Variants in FAM135B observed in about 807,000 individuals in gnomAD.
FAM135B encodes family with sequence similarity 135 member B, also known as protein FAM135B.
In FAM135B, 43 loss-of-function variants were observed where a neutral mutation model predicts 127.7. The ratio of observed to expected loss-of-function variants is 0.34; its 90% CI spans 0.26 to 0.43. The LOEUF (loss-of-function observed/expected upper bound fraction) is 0.43, where lower values mean the gene tolerates loss of function less well. Among genes scored for constraint, FAM135B ranks in the 20% least tolerant of loss-of-function variants. The pLI, the probability that FAM135B is intolerant of heterozygous loss-of-function variation, is 1.00. For synonymous variants in FAM135B, 670 were observed against 665.1 expected, an observed-to-expected ratio of 1.01 and a Z score of -0.11; for missense variants, 1,558 against 1,725.6, an observed-to-expected ratio of 0.90 and a Z score of 1.72.
chr8:138,359,961 C>T (rs1311803410), intron 2 of FAM135B, among the ~76,000 whole-genome samples: 1 of 152,176 alleles, frequency 6.6e-6, no homozygotes, highest in Non-Finnish European at 1.5e-5. Flanking sequence ...CACACTTTTA[C>T]ATCAGCTCTG....
At chr8:138,412,117 T>C (rs2131410071) in intron 1 of FAM135B, among the ~76,000 whole-genome samples, 1 of 152,290 alleles carries the variant, frequency 6.6e-6, no homozygotes, top group Middle Eastern at 3.4e-3. Flanking sequence ...TTAGATACTA[T>C]GCCCGCTACC....
chr8:138,256,062 A>G (rs1261635402), intron 5 of FAM135B, among the ~76,000 whole-genome samples: 1 of 152,146 alleles, frequency 6.6e-6, no homozygotes, highest in Admixed American at 6.5e-5. Context: ...GAGTTCTGGT[A>G]TTATACTTCA....
At chr8:138,332,956 G>C (rs988223399) in intron 2 of FAM135B, among the ~76,000 whole-genome samples, 4 of 151,078 alleles carry the variant, frequency 2.6e-5, no homozygotes, top group African/African-American at 9.8e-5. Context: ...TCCTAACAGA[G>C]GACTACACAG....
intron 4 of FAM135B, among the ~76,000 whole-genome samples, chr8:138,259,726 T>C (rs1414607005): frequency 6.6e-6 from 1 of 152,132 alleles, no homozygotes; most frequent in Admixed American, 6.5e-5. Context: ...CTTCTCTAAG[T>C]CACTGTATCC....
Position 138,492,541 on chromosome 8 carries a change from C to A in FAM135B, c.-20+4130G>T, listed in dbSNP as rs1587564944. Among the ~76,000 whole-genome samples the A allele has an allele frequency of 7.2e-5, 11 of 152,198 alleles. No individual in the cohort carries two copies. The South Asian group carries it at 2.3e-3, about 32-fold the overall frequency. On this transcript the variant is annotated intron_variant, in intron 1 of 19. Coordinates refer to ENST00000395297, the MANE Select transcript of FAM135B (RefSeq NM_015912.4). ...AGACCTTTCTGTGACTTCCTATGGC[C>A]TTCTGTTAGAGGAAAAGACTGGCTT...
At chr8:138,362,145 T>C (rs1427421645) in intron 2 of FAM135B, among the ~76,000 whole-genome samples, 3 of 152,148 alleles carry the variant, frequency 2.0e-5, no homozygotes, top group Non-Finnish European at 4.4e-5. Context: ...CACCCTCTTT[T>C]AGCTATTTTT....
At chr8:138,352,089 AG>A (rs1484933967) in intron 2 of FAM135B, among the ~76,000 whole-genome samples, 1 of 152,174 alleles carries the variant, frequency 6.6e-6, no homozygotes, top group Non-Finnish European at 1.5e-5. Context: ...TAGGTCTAGA[AG>A]GGGCCACATG....
intron 3 of FAM135B, among the ~76,000 whole-genome samples, chr8:138,286,388 T>C (rs1824688991): frequency 6.6e-6 from 1 of 152,212 alleles, no homozygotes. Flanking sequence ...CATATGCAGA[T>C]GTTTGGAGAG....
At chr8:138,197,117 G>GTGTA (rs1471158597) in intron 8 of FAM135B, among the ~76,000 whole-genome samples, 5 of 41,650 alleles carry the variant, frequency 1.2e-4, no homozygotes, top group Non-Finnish European at 2.0e-4. Flanking sequence ...GTGTGTGTGT[G>GTGTA]TATATATATA....
chr8:138,254,863 C>T (rs1821958917), intron 5 of FAM135B, among the ~76,000 whole-genome samples: 1 of 152,080 alleles, frequency 6.6e-6, no homozygotes, highest in Admixed American at 6.6e-5. Context: ...TCTCAATTCC[C>T]ATACATGATC....
At position 138,132,796 on chromosome 8, in the gene FAM135B, G is replaced by A. The variant is rs1191835626; in HGVS notation, c.4018C>T (p.Pro1340Ser). Residue 1340 changes from proline (P) to serine (S), a missense_variant and splice_region_variant, in exon 20 of 20, where the codon CCA becomes TCA. Transcript: ENST00000395297. The surrounding 1 kb of genome is among the most constrained non-coding windows in gnomAD (Gnocchi z 4.5). ...KTALKDRHTG[P>S]VYAEMINNLL... The stretch of plus-strand genomic sequence containing the variant: ...TTGTTGATCATTTCTGCATAAACTG[G>A]CCCTGTAAAGTGGGGAAGAAGGACA... The A allele has an allele frequency of 1.6e-5, 26 of 1,613,752 alleles. No homozygotes were observed. Among genetic ancestry groups the A allele is most frequent in the Non-Finnish European group, 2.1e-5 (25 of 1,179,826 alleles).
At chr8:138,332,983 G>GCACA (rs59548249) in intron 2 of FAM135B, among the ~76,000 whole-genome samples, 232 of 145,394 alleles carry the variant, frequency 1.6e-3, no homozygotes, top group East Asian at 3.2e-3. Flanking sequence ...TTTGGAAAGC[G>GCACA]CACACACACA....
At chr8:138,157,836 A>C (rs2130829722) in intron 12 of FAM135B, among the ~76,000 whole-genome samples, 1 of 152,334 alleles carries the variant, frequency 6.6e-6, no homozygotes, top group African/African-American at 2.4e-5. Context: ...ATGCTCATGG[A>C]TAGGAAGAAT....
rs375257521 is a variant in FAM135B at position 138,477,715 on chromosome 8, G to A, written c.-20+18956C>T. Among the ~76,000 whole-genome samples, 87 of 152,358 alleles carry A rather than the reference G, an allele frequency of 5.7e-4. 1 individual carries two copies. The highest frequency in any genetic ancestry group is 2.1e-3 in the African/African-American group (86 of 41,590). On this transcript the variant is annotated intron_variant, in intron 1 of 19. Transcript: ENST00000395297. ...ACTTCCTCAGATGCCCTTTTGGTCA[G>A]TGGTGGCCATGAGGGCCAGTTCAGT... is the stretch of plus-strand genomic sequence containing the variant.
intron 2 of FAM135B, among the ~76,000 whole-genome samples, chr8:138,312,980 C>T (rs544855472): frequency 6.6e-6 from 1 of 152,256 alleles, no homozygotes; most frequent in South Asian, 2.1e-4. Flanking sequence ...AAGCAATTGG[C>T]TATCCATAGA....
At chr8:138,156,305 G>A (rs151180278) in intron 12 of FAM135B, among the ~76,000 whole-genome samples, 2 of 152,252 alleles carry the variant, frequency 1.3e-5, no homozygotes, top group African/African-American at 4.8e-5. Flanking sequence ...AGTGTGTAGA[G>A]GGAAATTCAT....
At chr8:138,423,577 C>T (rs1563989942) in intron 1 of FAM135B, among the ~76,000 whole-genome samples, 1 of 152,124 alleles carries the variant, frequency 6.6e-6, no homozygotes, top group Non-Finnish European at 1.5e-5. Flanking sequence ...TCACAGAGAT[C>T]ATCAGCTTCA....
chr8:138,436,154 C>T (rs1304777645), intron 1 of FAM135B, among the ~76,000 whole-genome samples: 1 of 152,150 alleles, frequency 6.6e-6, no homozygotes, highest in Non-Finnish European at 1.5e-5. Context: ...GCTTATCTTA[C>T]ATGTGATAAC....
chr8:138,384,362 AT>A (rs1311235476), intron 1 of FAM135B, among the ~76,000 whole-genome samples: 1 of 150,984 alleles, frequency 6.6e-6, no homozygotes, highest in Non-Finnish European at 1.5e-5. Flanking sequence ...TTATTTATTT[AT>A]TTATTTATTT....
Sources: gnomAD v4.1 joint callset for allele counts (sites outside exome capture counted in the v4.1 genomes callset) on GRCh38, gnomAD v4.1.1 for gene constraint, Gnocchi (gnomAD v3.1) non-coding constraint, MANE v1.5 for transcripts, NCBI Gene and HGNC (gene_info 2026-07-23, HGNC 2026-07-21) for gene names.